The following ARMC2 variants were observed in gnomAD, a reference collection of about 807,000 sequenced individuals.
ARMC2 encodes the protein armadillo repeat-containing protein 2.
A neutral mutation model predicts 90.3 loss-of-function variants in ARMC2; 67 were observed. The observed-to-expected ratio is 0.74, with a 90% CI of 0.61 to 0.91. The LOEUF is 0.91. ARMC2 is among the 40% of genes least tolerant of loss of function. ARMC2 has a pLI of 0.00. For synonymous variants in ARMC2, 393 were observed against 393.0 expected (o/e 1.00, Z 0.00); for missense variants, 920 against 1,030.9 (o/e 0.89, Z 1.47).
chr6:109,009,699 G>C, the ARMC2 span: 2 of 339,040 alleles, frequency 5.9e-6, no homozygotes, highest in African/African-American at 4.4e-5. Context: ...GGGAACTGGC[G>C]GTCTGACGCG....
At chr6:109,028,608 G>A in the ARMC2 span, among the ~76,000 whole-genome samples, 3 of 152,174 alleles carry the variant, frequency 2.0e-5, no homozygotes, top group Admixed American at 6.5e-5. Flanking sequence ...GGTTAAACAA[G>A]ATGGTTCTAC....
chr6:108,899,714 G>T lies in ARMC2; in HGVS notation c.769G>T (p.Glu257Ter). 6.2e-7 allele frequency: 1 copy of T among 1,613,620 alleles called. No individual in the cohort carries two copies. The highest frequency in any genetic ancestry group is 1.3e-5 in the African/African-American group (1 of 75,018). ...TKAVPKADLQ[E>*]EDAEIEVDEV... ...TGCAGTCCCAAAAGCTGACCTGCAA[G>T]AAGAGGACGCAGAAATAGAAGTAGA... The change falls in exon 7 of 18, where the codon GAA becomes TAA. Residue 257 changes from glutamate to a stop codon, truncating the protein, a stop_gained. Coordinates refer to ENST00000392644, the MANE Select transcript of ARMC2 (RefSeq NM_032131.6). LOFTEE classifies it high-confidence loss of function.
chr6:108,949,972 G>A (rs891198795), intron 12 of ARMC2, among the ~76,000 whole-genome samples: 7 of 152,124 alleles, frequency 4.6e-5, no homozygotes, highest in South Asian at 2.1e-4. Flanking sequence ...TTGAGAGGCC[G>A]AGGTGGGTGG....
intron 11 of ARMC2, among the ~76,000 whole-genome samples, chr6:108,935,855 A>G (rs977751360): frequency 6.6e-6 from 1 of 152,168 alleles, no homozygotes; most frequent in South Asian, 2.1e-4. Flanking sequence ...TTTCCAAAAA[A>G]AAGGTTTTTT....
intron 13 of ARMC2, among the ~76,000 whole-genome samples, chr6:108,961,283 A>G (rs928066104): frequency 1.3e-5 from 2 of 152,136 alleles, no homozygotes; most frequent in Non-Finnish European, 2.9e-5. Context: ...CCTTTGCTTT[A>G]CTTCAGACAC....
At chr6:108,908,013 G>T in intron 8 of ARMC2, 1 of 802,582 alleles carries the variant, frequency 1.2e-6, no homozygotes, top group Non-Finnish European at 1.9e-6. Flanking sequence ...CCTGGGAACA[G>T]AAGGAATCTC....
intron 5 of ARMC2, among the ~76,000 whole-genome samples, chr6:108,885,761 AG>A (rs1355976957): frequency 1.3e-5 from 2 of 152,216 alleles, no homozygotes; most frequent in Non-Finnish European, 2.9e-5. Context: ...AAACATGCTG[AG>A]GGGACCCTCC....
At chr6:109,002,316 G>C in the ARMC2 span, 13 of 1,612,942 alleles carry the variant, frequency 8.1e-6, no homozygotes, top group African/African-American at 1.3e-5. Context: ...CCCTGTCCTA[G>C]TGGTCGAGGA....
At chr6:108,894,332 G>A in intron 5 of ARMC2, 135 bp from the exon 6 acceptor site, 1 of 726,294 alleles carries the variant, frequency 1.4e-6, no homozygotes, top group Non-Finnish European at 2.1e-6. Context: ...CAGCACCACT[G>A]TTCTCTAGCC....
At chr6:108,932,193 G>A (rs935743569) in intron 11 of ARMC2, among the ~76,000 whole-genome samples, 3 of 151,908 alleles carry the variant, frequency 2.0e-5, no homozygotes, top group African/African-American at 4.9e-5. Context: ...TAGGTTGTCT[G>A]TTTACTCTGT....
chr6:108,989,567 C>A, the ARMC2 span, among the ~76,000 whole-genome samples: 114 of 102,528 alleles, frequency 1.1e-3, 1 homozygote, highest in African/African-American at 4.8e-3. Context: ...ATCTCTAGAT[C>A]TAGAGATATC....
chr6:108,904,069 A>G (rs1010876810), intron 7 of ARMC2, among the ~76,000 whole-genome samples, 161 bp from the exon 8 acceptor site: 3 of 152,252 alleles, frequency 2.0e-5, no homozygotes, highest in African/African-American at 7.2e-5. Context: ...GAAAAAAATC[A>G]GGTAGATGGA....
At chr6:108,857,480 A>G (rs1251006020) in intron 2 of ARMC2, among the ~76,000 whole-genome samples, 1 of 152,114 alleles carries the variant, frequency 6.6e-6, no homozygotes, top group Non-Finnish European at 1.5e-5. Context: ...CTTCCGTCCC[A>G]ATCTGTATGC....
At chr6:108,886,183 T>C (rs1260953279) in intron 5 of ARMC2, among the ~76,000 whole-genome samples, 6 of 152,368 alleles carry the variant, frequency 3.9e-5, no homozygotes. Context: ...ATAAATTTAT[T>C]GACTTTTTAA....
chr6:108,865,077 G>A (rs1291944442), intron 3 of ARMC2, among the ~76,000 whole-genome samples: 1 of 149,116 alleles, frequency 6.7e-6, no homozygotes, highest in Non-Finnish European at 1.5e-5. Context: ...CCACCTCCCA[G>A]GTTCAAGCAA....
chr6:108,929,498 G>T (rs1237064300), intron 11 of ARMC2, among the ~76,000 whole-genome samples: 1 of 152,070 alleles, frequency 6.6e-6, no homozygotes, highest in African/African-American at 2.4e-5. Context: ...TTGTTGAGAT[G>T]GGGTCTCGCT....
At chr6:108,993,677 G>T in the ARMC2 span, among the ~76,000 whole-genome samples, 1 of 152,010 alleles carries the variant, frequency 6.6e-6, no homozygotes, top group Admixed American at 6.6e-5. Flanking sequence ...ATAGATAAAG[G>T]TTAAACATAG....
chr6:108,982,813 T>C, the ARMC2 span, among the ~76,000 whole-genome samples: 2 of 112,678 alleles, frequency 1.8e-5, no homozygotes, highest in Admixed American at 1.7e-4. Flanking sequence ...TGGACTTTTC[T>C]TTTTTTTTTT....
chr6:109,003,944 G>T, the ARMC2 span, among the ~76,000 whole-genome samples: 1 of 152,108 alleles, frequency 6.6e-6, no homozygotes, highest in Admixed American at 6.5e-5. Context: ...TAAACAAAAT[G>T]TATTTTAGGA....
Sources: allele counts gnomAD v4.1 joint callset (sites outside exome capture counted in the v4.1 genomes callset), GRCh38; gene constraint gnomAD v4.1.1; transcripts MANE v1.5; gene names NCBI Gene and HGNC (gene_info 2026-07-23, HGNC 2026-07-21).